Variants in USP49 observed in about 807,000 individuals in gnomAD.
The protein encoded by USP49 is ubiquitin carboxyl-terminal hydrolase 49.
Under a neutral mutation model 58.6 loss-of-function variants are expected in USP49, and 24 were observed. The ratio of observed to expected loss-of-function variants is 0.41; its 90% CI spans 0.30 to 0.58. USP49 has a LOEUF of 0.58. Among genes scored for constraint, USP49 ranks in the 20% least tolerant of loss-of-function variants. USP49 has a pLI of 0.30. For synonymous variants in USP49, 408 were observed against 365.1 expected (o/e 1.12, Z -1.34); for missense variants, 703 against 866.1 (o/e 0.81, Z 2.36).
At chr6:41,852,713 C>G (rs1298860340) in intron 3 of USP49, among the ~76,000 whole-genome samples, 1 of 152,064 alleles carries the variant, frequency 6.6e-6, no homozygotes, top group South Asian at 2.1e-4. Context: ...TTCTGAAATA[C>G]AAAAATTAAT....
At chr6:41,834,916 C>T (rs1773699665) in intron 3 of USP49, among the ~76,000 whole-genome samples, 1 of 152,174 alleles carries the variant, frequency 6.6e-6, no homozygotes, top group Non-Finnish European at 1.5e-5. Context: ...CAGCTCAGTA[C>T]TGCCTATCTT....
In USP49 at chr6:41,812,521, G is replaced by T. The variant is rs1451846983; in HGVS notation, c.-28-5510C>A. On this transcript the variant is annotated intron_variant, in intron 3 of 7. Transcript: ENST00000682992. ...ATCCTGGATAACACGGTGAAACCCC[G>T]TCTCTACTAAAAATACAAAAAAATA... Among the ~76,000 whole-genome samples, 5 of 151,766 alleles carry T rather than the reference G, an allele frequency of 3.3e-5. No individual in the cohort carries two copies. In the East Asian group the frequency reaches 9.9e-4, roughly 30 times the overall value.
chr6:41,884,882 T>C (rs1249047977), intron 2 of USP49, among the ~76,000 whole-genome samples: 1 of 152,192 alleles, frequency 6.6e-6, no homozygotes, highest in Non-Finnish European at 1.5e-5. Context: ...TTTACATAAC[T>C]TTTTTCATCA....
intron 2 of USP49, among the ~76,000 whole-genome samples, chr6:41,881,227 C>T (rs1019263316): frequency 9.6e-5 from 14 of 145,912 alleles, no homozygotes; most frequent in African/African-American, 2.5e-4. Flanking sequence ...CCACCCTGCC[C>T]GGCCCCTACG....
intron 3 of USP49, among the ~76,000 whole-genome samples, chr6:41,837,983 A>AC (rs1031014171): frequency 6.6e-5 from 10 of 152,352 alleles, no homozygotes; most frequent in African/African-American, 2.4e-4. Flanking sequence ...GAGAAAAGGG[A>AC]CCACTTATAC....
chr6:41,870,723 G>A (rs1774399653), intron 3 of USP49, among the ~76,000 whole-genome samples: 1 of 137,554 alleles, frequency 7.3e-6, no homozygotes, highest in African/African-American at 2.7e-5. Flanking sequence ...ATGAGGTCTT[G>A]CTATATTGCC....
intron 3 of USP49, among the ~76,000 whole-genome samples, chr6:41,825,427 A>C (rs1773521051): frequency 6.8e-6 from 1 of 147,092 alleles, no homozygotes; most frequent in African/African-American, 2.4e-5. Flanking sequence ...CCAACAAGAG[A>C]GGTCACTTAA....
intron 3 of USP49, among the ~76,000 whole-genome samples, chr6:41,829,833 G>A (rs1430381683): frequency 1.3e-5 from 2 of 151,872 alleles, no homozygotes; most frequent in Non-Finnish European, 2.9e-5. Context: ...TTAACTTTAG[G>A]TTAAGAAAGT....
intron 3 of USP49, among the ~76,000 whole-genome samples, chr6:41,868,368 G>C (rs757714512): frequency 4.1e-4 from 63 of 151,954 alleles, no homozygotes; most frequent in Non-Finnish European, 7.5e-4. Context: ...TCGCTCTGTT[G>C]CCAGGCTGGA....
intron 1 of USP49, among the ~76,000 whole-genome samples, chr6:41,894,655 A>G (rs1279391379): frequency 6.7e-6 from 1 of 150,332 alleles, no homozygotes; most frequent in Non-Finnish European, 1.5e-5. Context: ...TCCACTTCCA[A>G]CACTTACCCC....
In USP49 at chr6:41,895,360, C is replaced by A. The variant is rs112459589; in HGVS notation, c.-221G>T. ...GCACGCGCGAGCTGTCACCAGGGCG[C>A]GAGACAACCGAACACGGCCCCGCCC... On this transcript the variant is annotated 5_prime_UTR_variant, in exon 1 of 8. Coordinates refer to ENST00000682992, the MANE Select transcript of USP49 (RefSeq NM_001286554.2). 2,939 of 149,908 alleles carry A rather than the reference C, an allele frequency of 0.02. 48 individuals carry two copies. Among genetic ancestry groups the A allele is most frequent in the Admixed American group, 0.029 (443 of 15,148 alleles). 9.3% of individuals were successfully genotyped at this position (149,908 alleles called of 1,614,324 possible).
chr6:41,813,123 G>A (rs1338957656), intron 3 of USP49, among the ~76,000 whole-genome samples: 3 of 152,160 alleles, frequency 2.0e-5, no homozygotes, highest in Non-Finnish European at 4.4e-5. Context: ...CATGTGGCTA[G>A]TGGTTATGGT....
chr6:41,889,956 C>A (rs962952566), intron 2 of USP49, among the ~76,000 whole-genome samples: 5 of 152,094 alleles, frequency 3.3e-5, no homozygotes, highest in Non-Finnish European at 5.9e-5. Flanking sequence ...TAAAAAACTG[C>A]AATAAAATCA....
intron 3 of USP49, among the ~76,000 whole-genome samples, chr6:41,852,995 G>C (rs1246432953): frequency 6.6e-6 from 1 of 152,188 alleles, no homozygotes; most frequent in African/African-American, 2.4e-5. Context: ...TTCGAAACCA[G>C]CCTAACATGG....
chr6:41,890,485 G>A (rs1366556729), intron 2 of USP49, among the ~76,000 whole-genome samples: 1 of 151,776 alleles, frequency 6.6e-6, no homozygotes, highest in African/African-American at 2.4e-5. Flanking sequence ...GGTTAAGGTG[G>A]GCAGATTTTT....
At chr6:41,888,048 C>CTTTTTTTTTTTTTTTTTTT (rs35468035) in intron 2 of USP49, among the ~76,000 whole-genome samples, 2 of 85,478 alleles carry the variant, frequency 2.3e-5, no homozygotes, top group Non-Finnish European at 4.4e-5. Flanking sequence ...TCACAATCAG[C>CTTTTTTTTTTTTTTTTTTT]TTTTTTTTTT....
At chr6:41,830,974 C>T (rs1406873829) in intron 3 of USP49, among the ~76,000 whole-genome samples, 1 of 152,036 alleles carries the variant, frequency 6.6e-6, no homozygotes, top group African/African-American at 2.4e-5. Flanking sequence ...GTAGAGCTAT[C>T]GACTGGGATT....
rs1773132278 is a variant in USP49, at chr6:41,806,433, T to G, written c.551A>C (p.Glu184Ala). The G allele has an allele frequency of 1.9e-6, 3 of 1,584,020 alleles. No individual in the cohort carries two copies. The highest frequency in any genetic ancestry group is 2.6e-6 in the Non-Finnish European group (3 of 1,173,664). The change falls in exon 4 of 8, where the codon GAG becomes GCG. Residue 184 changes from glutamate (E) to alanine (A), a missense_variant. Around this residue, in one of 6 missense-constraint regions of USP49, gnomAD observed 376 missense variants for 373.5 expected, o/e 1.01. Transcript: ENST00000682992. The surrounding 1 kb of genome is among the most constrained non-coding windows in gnomAD (Gnocchi z 5.9). ...CACCTCGCGCCGCCGCCTCCGCGCC[T>G]CCTCCTTCTTGCGCTCCAGGGCCTC... ...QEEALERKKE[E>A]ARRRRREVKR...
Position 41,867,745 on chromosome 6 carries a change from C to T in USP49, c.-29+3819G>A, listed in dbSNP as rs191863765. On this transcript the variant is annotated intron_variant, in intron 3 of 7. Coordinates refer to ENST00000682992, the MANE Select transcript of USP49 (RefSeq NM_001286554.2). Reference sequence around the variant, plus strand: ...CCAGCCTGGGCGACAGAGCAAGACTCCATCTCAAAAAACAAACAAACAAAA... The same window carrying T: ...CCAGCCTGGGCGACAGAGCAAGACTTCATCTCAAAAAACAAACAAACAAAA... Among the ~76,000 whole-genome samples the T allele has an allele frequency of 2.5e-3, 379 of 152,246 alleles. 3 individuals carry two copies. Among genetic ancestry groups the T allele is most frequent in the African/African-American group, 8.6e-3 (359 of 41,530 alleles).
Sources: allele counts gnomAD v4.1 joint callset (sites outside exome capture counted in the v4.1 genomes callset), GRCh38; gene constraint gnomAD v4.1.1; regional missense constraint gnomAD v4.1.1; non-coding constraint Gnocchi (gnomAD v3.1); transcripts MANE v1.5; gene names NCBI Gene and HGNC (gene_info 2026-07-23, HGNC 2026-07-21).